Variants in FABP7 observed in about 807,000 individuals in gnomAD.
FABP7 encodes the protein fatty acid-binding protein, brain.
Under a neutral mutation model 14.2 loss-of-function variants are expected in FABP7, and 13 were observed. That is an observed-to-expected ratio of 0.91 (90% CI 0.59 to 1.45). The LOEUF is 1.45. Among genes scored for constraint, FABP7 ranks in the 40% most tolerant of loss-of-function variants. The pLI is 0.00. For synonymous variants in FABP7, 49 were observed against 51.4 expected, an observed-to-expected ratio of 0.95 and a Z score of 0.20; for missense variants, 149 against 157.6, an observed-to-expected ratio of 0.95 and a Z score of 0.29.
chr6:122,783,160 G>A, intron 3 of FABP7: 2 of 985,388 alleles, frequency 2.0e-6, no homozygotes, highest in Non-Finnish European at 2.4e-6. Flanking sequence ...TAGAGTAATA[G>A]AGCTGATGTT....
chr6:122,765,010 T>C, the FABP7 span, among the ~76,000 whole-genome samples: 1 of 152,192 alleles, frequency 6.6e-6, no homozygotes, highest in Non-Finnish European at 1.5e-5. Flanking sequence ...TGCAGATAAG[T>C]AACATGAAAA....
At chr6:122,776,244 G>C (rs1219170082), upstream of FABP7, among the ~76,000 whole-genome samples, 1 of 152,090 alleles carries the variant, frequency 6.6e-6, no homozygotes, top group Non-Finnish European at 1.5e-5. Flanking sequence ...TACAGCACTA[G>C]TTACAATAGA....
chr6:122,779,934 T>C (rs1780741320), intron 1 of FABP7, 67 bp downstream of exon 1: 1 of 1,483,308 alleles, frequency 6.7e-7, no homozygotes, highest in Non-Finnish European at 9.4e-7. Flanking sequence ...AGATTCCATT[T>C]TTCACTCATC....
the FABP7 span, among the ~76,000 whole-genome samples, chr6:122,773,911 T>C: frequency 6.6e-6 from 1 of 152,128 alleles, no homozygotes. Flanking sequence ...AACAGGTCTT[T>C]ATAATGAATT....
upstream of FABP7, among the ~76,000 whole-genome samples, chr6:122,776,345 A>G (rs1780672746): frequency 1.3e-5 from 2 of 152,190 alleles, no homozygotes; most frequent in Non-Finnish European, 2.9e-5. Context: ...TCAGCCATAA[A>G]AAAGGAAGGA....
the FABP7 span, among the ~76,000 whole-genome samples, chr6:122,762,219 T>C: frequency 0.053 from 8,018 of 152,264 alleles, 324 homozygotes; most frequent in Non-Finnish European, 0.079. Context: ...ATCCCTGGGA[T>C]GCAAGTCTGG....
At chr6:122,782,704 GTTGT>G (rs1780823132) in intron 3 of FABP7, 2 of 985,240 alleles carry the variant, frequency 2.0e-6, no homozygotes, top group South Asian at 4.7e-5. Context: ...AGAAAGTTTT[GTTGT>G]TTAAGAATGG....
the FABP7 span, among the ~76,000 whole-genome samples, chr6:122,762,446 C>A: frequency 6.6e-6 from 1 of 152,138 alleles, no homozygotes; most frequent in Non-Finnish European, 1.5e-5. Context: ...ACTGAATGGG[C>A]AAAAACTGGA....
chr6:122,768,719 T>A, the FABP7 span, among the ~76,000 whole-genome samples: 5 of 152,264 alleles, frequency 3.3e-5, no homozygotes, highest in African/African-American at 1.2e-4. Flanking sequence ...CCAACGGGTA[T>A]GATTAATTTA....
upstream of FABP7, chr6:122,779,640 T>A (rs1477562169): frequency 3.0e-6 from 2 of 658,498 alleles, no homozygotes; most frequent in Non-Finnish European, 5.4e-6. Flanking sequence ...ACTGGAGGGG[T>A]GTGTTTGCAA....
intron 3 of FABP7, chr6:122,783,169 T>C (rs1247110682): frequency 1.0e-6 from 1 of 985,334 alleles, no homozygotes; most frequent in African/African-American, 1.7e-5. Flanking sequence ...AGAGCTGATG[T>C]TCCGCATCCT....
At chr6:122,759,927 T>C in the FABP7 span, among the ~76,000 whole-genome samples, 3 of 152,080 alleles carry the variant, frequency 2.0e-5, no homozygotes. Flanking sequence ...GAGACCAGCC[T>C]GGCCAATATG....
chr6:122,759,890 G>A, the FABP7 span, among the ~76,000 whole-genome samples: 1 of 151,992 alleles, frequency 6.6e-6, no homozygotes, highest in African/African-American at 2.4e-5. Context: ...GGGAGGCCAG[G>A]GGGTCAGATC....
chr6:122,770,663 A>C, the FABP7 span, among the ~76,000 whole-genome samples: 2 of 152,164 alleles, frequency 1.3e-5, no homozygotes, highest in African/African-American at 4.8e-5. Context: ...CCTATGTCAA[A>C]ATCTTGATAA....
At chr6:122,760,100 CA>C in the FABP7 span, among the ~76,000 whole-genome samples, 103 of 141,586 alleles carry the variant, frequency 7.3e-4, no homozygotes, top group African/African-American at 7.8e-4. Flanking sequence ...GACTCTGATT[CA>C]AAAAAAAAAA....
chr6:122,782,346 C>A (rs1780811635), intron 3 of FABP7: 2 of 496,204 alleles, frequency 4.0e-6, no homozygotes, highest in South Asian at 1.7e-4. Flanking sequence ...TCTGCGGGCC[C>A]CCTCCCTTGC....
Position 122,780,738 on chromosome 6 carries a change from T to A in FABP7, c.246+275T>A, listed in dbSNP as rs555418684. Among the ~76,000 whole-genome samples, 10 of 152,336 alleles carry A rather than the reference T, an allele frequency of 6.6e-5. No individual in the cohort carries two copies. In the South Asian group the frequency reaches 2.1e-3, roughly 32 times the overall value. ...ATTTCAGAAAATATTTAATAAGGTT[T>A]GTTTGAAAGAGAGATTGCATTTTGT... is the stretch of plus-strand genomic sequence containing the variant. On this transcript the variant is annotated intron_variant, in intron 2 of 3. Transcript: ENST00000368444.
At chr6:122,775,352 AG>A (rs1391287762), upstream of FABP7, among the ~76,000 whole-genome samples, 1 of 151,452 alleles carries the variant, frequency 6.6e-6, no homozygotes, top group African/African-American at 2.4e-5. Context: ...ACACAGAAAA[AG>A]TTTTTATATT....
chr6:122,764,088 C>T, the FABP7 span, among the ~76,000 whole-genome samples: 41 of 152,096 alleles, frequency 2.7e-4, no homozygotes, highest in Admixed American at 3.3e-4. Flanking sequence ...CACATGCACA[C>T]GTATGTTTAT....
Sources: gnomAD v4.1 joint callset for allele counts (sites outside exome capture counted in the v4.1 genomes callset) on GRCh38, gnomAD v4.1.1 for gene constraint, MANE v1.5 for transcripts, NCBI Gene and HGNC (gene_info 2026-07-23, HGNC 2026-07-21) for gene names.